The following SEM1 variants were observed in gnomAD, a reference collection of about 807,000 sequenced individuals.
SEM1 encodes the protein SEM1 26S proteasome subunit.
A neutral mutation model predicts 12.7 loss-of-function variants in SEM1; 3 were observed. The observed-to-expected ratio is 0.24, with a 90% CI of 0.11 to 0.61. SEM1 has a LOEUF of 0.61. SEM1 is among the 20% of genes least tolerant of loss of function. SEM1 has a pLI of 0.88. For missense variants in SEM1, 59 were observed against 81.3 expected, an observed-to-expected ratio of 0.73 and a Z score of 1.06; for synonymous variants, 30 against 27.8, an observed-to-expected ratio of 1.08 and a Z score of -0.25.
chr7:96,494,299 T>G (rs1485466988), intron 1 of SEM1, among the ~76,000 whole-genome samples: 1 of 152,220 alleles, frequency 6.6e-6, no homozygotes, highest in East Asian at 1.9e-4. Context: ...ACTTAATAAG[T>G]GTTCCTGCTC....
chr7:96,586,949 A>G (rs573977912), intron 2 of SEM1, among the ~76,000 whole-genome samples: 1 of 152,296 alleles, frequency 6.6e-6, no homozygotes, highest in South Asian at 2.1e-4. Flanking sequence ...TTACAAGTGC[A>G]TTATGGATGT....
chr7:96,497,248 CA>C (rs1264548425), upstream of SEM1, among the ~76,000 whole-genome samples: 1 of 151,350 alleles, frequency 6.6e-6, no homozygotes, highest in African/African-American at 2.4e-5. Context: ...AGGAAAAAAA[CA>C]AAAAAAATCA....
intron 2 of SEM1, among the ~76,000 whole-genome samples, chr7:96,612,736 C>T (rs570478896): frequency 2.0e-5 from 3 of 152,134 alleles, no homozygotes; most frequent in South Asian, 2.1e-4. Flanking sequence ...CCTGGGTTCA[C>T]GCCATTCTCC....
intron 2 of SEM1, among the ~76,000 whole-genome samples, chr7:96,681,125 T>C (rs1360435529): frequency 6.6e-6 from 1 of 152,108 alleles, no homozygotes; most frequent in African/African-American, 2.4e-5. Flanking sequence ...ATATCTTTGA[T>C]TTACTCTTCA....
At chr7:96,632,406 A>C (rs1268540056) in intron 2 of SEM1, among the ~76,000 whole-genome samples, 1 of 152,154 alleles carries the variant, frequency 6.6e-6, no homozygotes, top group Non-Finnish European at 1.5e-5. Flanking sequence ...CTTTGCAGGG[A>C]CATGGATGAA....
chr7:96,576,715 G>T (rs574238299), intron 2 of SEM1, among the ~76,000 whole-genome samples: 4 of 151,896 alleles, frequency 2.6e-5, no homozygotes, highest in Non-Finnish European at 5.9e-5. Flanking sequence ...ATTGTCCTTT[G>T]TTCCTGAGGT....
intron 1 of SEM1, among the ~76,000 whole-genome samples, chr7:96,706,914 T>C (rs1053343912): frequency 6.6e-6 from 1 of 152,200 alleles, no homozygotes; most frequent in Admixed American, 6.5e-5. Context: ...TTTGTATCTG[T>C]TAGTGAATTT....
intron 2 of SEM1, among the ~76,000 whole-genome samples, chr7:96,563,891 A>T (rs1805766878): frequency 6.6e-6 from 1 of 152,030 alleles, no homozygotes; most frequent in Non-Finnish European, 1.5e-5. Flanking sequence ...TTTTTCTGAC[A>T]TCTTATAAGC....
intron 2 of SEM1, among the ~76,000 whole-genome samples, chr7:96,690,569 C>A (rs1040443660): frequency 6.6e-6 from 1 of 152,062 alleles, no homozygotes; most frequent in Non-Finnish European, 1.5e-5. Flanking sequence ...AATAGAAAAC[C>A]TCAGCACAAC....
intron 2 of SEM1, among the ~76,000 whole-genome samples, chr7:96,598,639 A>T (rs1807083621): frequency 6.6e-6 from 1 of 152,154 alleles, no homozygotes; most frequent in Non-Finnish European, 1.5e-5. Flanking sequence ...CTCATTAAAG[A>T]AGAATGCATC....
At chr7:96,504,211 G>A (rs1803670400) in intron 3 of SEM1, among the ~76,000 whole-genome samples, 1 of 152,032 alleles carries the variant, frequency 6.6e-6, no homozygotes, top group South Asian at 2.1e-4. Context: ...GTTTGAACAA[G>A]TACAGTTTCT....
intron 2 of SEM1, among the ~76,000 whole-genome samples, chr7:96,637,611 A>G (rs1808467712): frequency 6.6e-6 from 1 of 152,040 alleles, no homozygotes; most frequent in Non-Finnish European, 1.5e-5. Context: ...CTCTTGGCAA[A>G]GCATAATGAG....
chr7:96,701,512 G>A (rs992492797), intron 1 of SEM1, among the ~76,000 whole-genome samples: 1 of 152,108 alleles, frequency 6.6e-6, no homozygotes, highest in African/African-American at 2.4e-5. Context: ...CAGAATGGGT[G>A]AGAAAATAAA....
At chr7:96,575,119 T>C (rs1050808613) in intron 2 of SEM1, among the ~76,000 whole-genome samples, 6 of 152,198 alleles carry the variant, frequency 3.9e-5, no homozygotes, top group African/African-American at 1.4e-4. Flanking sequence ...CTTTGGTCTT[T>C]GATGTTGGTG....
intron 1 of SEM1, among the ~76,000 whole-genome samples, chr7:96,489,485 T>C (rs1000375746): frequency 2.0e-5 from 3 of 152,148 alleles, no homozygotes; most frequent in Non-Finnish European, 1.5e-5. Flanking sequence ...TCTAAAACAT[T>C]AGAATCACCT....
At chr7:96,708,928 C>T (rs1364149116) in intron 1 of SEM1, among the ~76,000 whole-genome samples, 2 of 144,394 alleles carry the variant, frequency 1.4e-5, no homozygotes, top group Non-Finnish European at 3.1e-5. Context: ...AAAACCAGGT[C>T]TTTAGTTTTG....
intron 2 of SEM1, among the ~76,000 whole-genome samples, chr7:96,666,112 G>C (rs1416142073): frequency 6.6e-6 from 1 of 152,182 alleles, no homozygotes; most frequent in Non-Finnish European, 1.5e-5. Flanking sequence ...TCCCACTCTA[G>C]AGCCATTACA....
chr7:96,494,089 A>G (rs1803138638), intron 1 of SEM1, among the ~76,000 whole-genome samples: 1 of 152,182 alleles, frequency 6.6e-6, no homozygotes, highest in Non-Finnish European at 1.5e-5. Flanking sequence ...CAGAGCCCTT[A>G]GGAAGAAACT....
At chr7:96,628,710 T>C (rs999584588) in intron 2 of SEM1, among the ~76,000 whole-genome samples, 1 of 152,184 alleles carries the variant, frequency 6.6e-6, no homozygotes, top group Admixed American at 6.5e-5. Context: ...TTCTTTGTTT[T>C]TCTTTGTGCT....
Sources: allele counts gnomAD v4.1 joint callset (sites outside exome capture counted in the v4.1 genomes callset), GRCh38; gene constraint gnomAD v4.1.1; transcripts MANE v1.5; gene names NCBI Gene and HGNC (gene_info 2026-07-23, HGNC 2026-07-21).